Variants in TDRD3 observed in about 807,000 individuals in gnomAD.
The protein encoded by TDRD3 is tudor domain-containing protein 3.
TDRD3 carries 45 observed loss-of-function variants against 86.7 expected under a neutral mutation model. The observed-to-expected ratio is 0.52, with a 90% CI of 0.41 to 0.67. TDRD3 has a LOEUF of 0.67. Ranked by LOEUF, TDRD3 falls within the 30% of genes least tolerant of loss-of-function variation. The pLI, the probability that TDRD3 is intolerant of heterozygous loss-of-function variation, is 0.00. For synonymous variants in TDRD3, 298 were observed against 301.7 expected, an observed-to-expected ratio of 0.99 and a Z score of 0.13; for missense variants, 814 against 889.0, an observed-to-expected ratio of 0.92 and a Z score of 1.07.
intron 2 of TDRD3, 145 bp from the exon 3 acceptor site, chr13:60,444,538 A>G (rs570518788): frequency 2.1e-6 from 1 of 476,098 alleles, no homozygotes; most frequent in African/African-American, 2.0e-5. Flanking sequence ...TACTTGAAAG[A>G]TTGATAATAC....
intron 12 of TDRD3, among the ~76,000 whole-genome samples, chr13:60,564,023 C>T (rs953389653): frequency 7.9e-5 from 12 of 152,068 alleles, no homozygotes; most frequent in Middle Eastern, 3.4e-3. Flanking sequence ...TTATGTTTGG[C>T]GTCAATGATT....
chr13:60,445,367 C>T (rs1272553676), intron 3 of TDRD3, among the ~76,000 whole-genome samples: 4 of 152,168 alleles, frequency 2.6e-5, no homozygotes, highest in Non-Finnish European at 4.4e-5. Flanking sequence ...TAATTATATA[C>T]GTGAAGACAT....
intron 10 of TDRD3, among the ~76,000 whole-genome samples, chr13:60,524,931 A>T (rs1252658735): frequency 2.6e-5 from 4 of 151,374 alleles, no homozygotes; most frequent in Admixed American, 1.3e-4. Context: ...TACTAAAAAT[A>T]CAAAAATTAG....
At chr13:60,561,252 A>G (rs1354565914) in intron 12 of TDRD3, among the ~76,000 whole-genome samples, 2 of 152,148 alleles carry the variant, frequency 1.3e-5, no homozygotes, top group Non-Finnish European at 1.5e-5. Context: ...GGAGTCAAGT[A>G]TAGGGTTTAA....
intron 1 of TDRD3, among the ~76,000 whole-genome samples, chr13:60,426,334 A>G (rs1954807543): frequency 6.6e-6 from 1 of 152,222 alleles, no homozygotes; most frequent in South Asian, 2.1e-4. Context: ...ATAGATCTGT[A>G]GGATGAACAA....
intron 1 of TDRD3, among the ~76,000 whole-genome samples, chr13:60,429,309 A>G (rs1954894549): frequency 1.3e-5 from 2 of 152,168 alleles, no homozygotes; most frequent in South Asian, 4.1e-4. Context: ...TATACTAGAA[A>G]CAAATAGGTA....
intron 4 of TDRD3, among the ~76,000 whole-genome samples, chr13:60,464,701 G>T (rs1390448573): frequency 6.6e-6 from 1 of 151,978 alleles, no homozygotes; most frequent in Non-Finnish European, 1.5e-5. Flanking sequence ...AATAAACCAG[G>T]CACAGAAAGA....
chr13:60,481,324 T>G (rs1296241346), intron 5 of TDRD3, among the ~76,000 whole-genome samples: 1 of 151,442 alleles, frequency 6.6e-6, no homozygotes, highest in Non-Finnish European at 1.5e-5. Flanking sequence ...TTTCTTCATA[T>G]GTATTTTTTC....
chr13:60,462,889 A>G lies in TDRD3; in HGVS notation c.353+2349A>G, dbSNP rs1955831284. ...ACTACACTACAAATCTATAGTAACC[A>G]AAACAGCATGGTACTGGCATAAAAA... is the stretch of plus-strand genomic sequence containing the variant. On this transcript the variant is annotated intron_variant, in intron 4 of 13. Coordinates refer to ENST00000377881, the MANE Select transcript of TDRD3 (RefSeq NM_001146070.2). Among the ~76,000 whole-genome samples, 3 of 152,214 alleles carry G rather than the reference A, an allele frequency of 2.0e-5. No individual in the cohort carries two copies. The South Asian group carries it at 6.2e-4, about 32-fold the overall frequency.
rs1265063389 is a variant in TDRD3, at chr13:60,535,150, A to G, written c.2035A>G (p.Thr679Ala). ...TGAAGCCCTCCATTCTTCGGGTATG[A>G]CAGCAGTTGTTAAATTCATTGACTA... The part of the protein sequence containing the change: ...EVEALHSSGM[T>A]AVVKFIDYGN... Residue 679 changes from threonine to alanine, a missense_variant, in exon 12 of 14, where the codon ACA (threonine) becomes GCA (alanine). By Grantham distance (58) the Thr-to-Ala change is moderately conservative. Transcript: ENST00000377881. The G allele has an allele frequency of 6.2e-7, 1 of 1,613,956 alleles. No individual in the cohort carries two copies.
intron 12 of TDRD3, among the ~76,000 whole-genome samples, chr13:60,549,686 A>G (rs1207937181): frequency 6.6e-6 from 1 of 152,158 alleles, no homozygotes; most frequent in Non-Finnish European, 1.5e-5. Context: ...CAGTAAAGAA[A>G]GTAAGAAAAC....
intron 1 of TDRD3, among the ~76,000 whole-genome samples, chr13:60,422,331 T>G (rs1208927585): frequency 6.6e-6 from 1 of 152,130 alleles, no homozygotes; most frequent in Non-Finnish European, 1.5e-5. Context: ...ATGGATTGAC[T>G]GGTAGGAAAG....
At chr13:60,532,133 T>TA (rs200978606) in intron 11 of TDRD3, among the ~76,000 whole-genome samples, 13 of 152,074 alleles carry the variant, frequency 8.5e-5, no homozygotes, top group Middle Eastern at 3.4e-3. Context: ...AAAATTAAAT[T>TA]AAAAAAAATC....
Position 60,467,357 on chromosome 13 carries a change from T to C in TDRD3, c.473T>C (p.Ile158Thr), listed in dbSNP as rs775054286. The C allele has an allele frequency of 1.2e-5, 19 of 1,613,784 alleles. No individual in the cohort carries two copies. The highest frequency in any genetic ancestry group is 1.6e-5 in the Non-Finnish European group (19 of 1,179,836). Residue 158 changes from isoleucine to threonine, a missense_variant, in exon 5 of 14, where the codon ATT becomes ACT. Coordinates refer to ENST00000377881, the MANE Select transcript of TDRD3 (RefSeq NM_001146070.2). ...CTTGGTGGTGAAGTGGAACACCTTA[T>C]TGAGAAATGGGAGTTACAGAGAGTA... ...TVLGGEVEHL[I>T]EKWELQRSLS...
At chr13:60,563,025 T>G (rs973275519) in intron 12 of TDRD3, among the ~76,000 whole-genome samples, 8 of 151,928 alleles carry the variant, frequency 5.3e-5, no homozygotes, top group Non-Finnish European at 1.0e-4. Flanking sequence ...GGTCAGGAGC[T>G]CAAGACCAGC....
chr13:60,525,166 C>CTTTTTTTT lies in TDRD3; in HGVS notation c.1142-3183_1142-3176dup, dbSNP rs71199006. On this transcript the variant is annotated intron_variant, in intron 10 of 13. Transcript: ENST00000377881. ...TTTATTTTACTATATTAAGGGAATT[C>CTTTTTTTT]TTTTTTTTTTTTTTTTTTTTTTTTT... 4.6e-4 allele frequency among the ~76,000 whole-genome samples: 26 copies of CTTTTTTTT among 56,094 alleles called. 1 individual carries two copies. The highest frequency in any genetic ancestry group is 1.2e-3 in the East Asian group (2 of 1,736). The allele number at this position is 56,094 out of a possible 152,430, so 36.8% of individuals were successfully genotyped here.
At chr13:60,479,917 A>C (rs1956274608) in intron 5 of TDRD3, among the ~76,000 whole-genome samples, 1 of 152,150 alleles carries the variant, frequency 6.6e-6, no homozygotes, top group East Asian at 1.9e-4. Flanking sequence ...GGTCCCTTGG[A>C]GACAGCAAAC....
intron 4 of TDRD3, among the ~76,000 whole-genome samples, chr13:60,464,610 ATAT>A (rs1955877580): frequency 1.3e-5 from 2 of 152,170 alleles, no homozygotes; most frequent in South Asian, 4.1e-4. Flanking sequence ...ATACACTGGA[ATAT>A]TATTCCGCCA....
intron 3 of TDRD3, among the ~76,000 whole-genome samples, chr13:60,457,547 G>T (rs1045102563): frequency 3.3e-5 from 5 of 152,222 alleles, no homozygotes; most frequent in Non-Finnish European, 7.3e-5. Flanking sequence ...GAGTGAGGCT[G>T]AGGCCAATAT....
Sources: gnomAD v4.1 joint callset for allele counts (sites outside exome capture counted in the v4.1 genomes callset) on GRCh38, gnomAD v4.1.1 for gene constraint, MANE v1.5 for transcripts, NCBI Gene and HGNC (gene_info 2026-07-23, HGNC 2026-07-21) for gene names.